Variants in RPGRIP1 observed in about 807,000 individuals in gnomAD.
The protein encoded by RPGRIP1 is RPGR interacting protein 1.
A neutral mutation model predicts 157.9 loss-of-function variants in RPGRIP1; 128 were observed. That is an observed-to-expected ratio of 0.81 (90% CI 0.70 to 0.94). The LOEUF (loss-of-function observed/expected upper bound fraction) is 0.94, where lower values mean the gene tolerates loss of function less well. RPGRIP1 is among the 40% of genes least tolerant of loss of function. RPGRIP1 has a pLI of 0.00. For synonymous variants in RPGRIP1, 554 were observed against 571.6 expected (o/e 0.97, Z 0.44); for missense variants, 1,486 against 1,545.8 (o/e 0.96, Z 0.65).
chr14:21,336,677 A>T (rs1472002394), intron 21 of RPGRIP1, among the ~76,000 whole-genome samples: 1 of 152,180 alleles, frequency 6.6e-6, no homozygotes, highest in African/African-American at 2.4e-5. Flanking sequence ...ATTAGATAAC[A>T]CTTCTATATT....
intron 3 of RPGRIP1, among the ~76,000 whole-genome samples, chr14:21,297,834 A>ATTCTTTCTCTCT (rs1555365052): frequency 2.3e-5 from 3 of 133,216 alleles, no homozygotes; most frequent in Admixed American, 7.7e-5. Flanking sequence ...TCAATAAATT[A>ATTCTTTCTCTCT]TTCTTTCTTT....
chr14:21,325,463 C>T, intron 16 of RPGRIP1, 80 bp downstream of exon 16: 1 of 1,307,752 alleles, frequency 7.6e-7, no homozygotes. Context: ...CTTCCACTCT[C>T]AATAAGTGTT....
At chr14:21,326,578 C>T (rs1320075110) in intron 17 of RPGRIP1, among the ~76,000 whole-genome samples, 2 of 152,074 alleles carry the variant, frequency 1.3e-5, no homozygotes, top group African/African-American at 2.4e-5. Context: ...CCATGTTGGT[C>T]AGGCTGGTCT....
chr14:21,301,013 G>T lies in RPGRIP1; in HGVS notation c.266G>T (p.Arg89Leu). 6.2e-7 allele frequency: 1 copy of T among 1,612,656 alleles called. No homozygotes were observed. The highest frequency in any genetic ancestry group is 8.5e-7 in the Non-Finnish European group (1 of 1,179,400). ...TTGACCGCTGCTGGCCGGGACCTGC[G>T]GGTCGCGGAGGAGGCGGCGCCGCTC... ...LRLTAAGRDLRVAEEAAPLSE... is the reference protein window; with the variant it reads ...LRLTAAGRDLLVAEEAAPLSE... The change falls in exon 4 of 25, where the codon CGG becomes CTG. Residue 89 changes from arginine (R) to leucine (L), a missense_variant. Coordinates refer to ENST00000400017, the MANE Select transcript of RPGRIP1 (RefSeq NM_020366.4).
At chr14:21,333,452 T>C (rs1356149710) in intron 20 of RPGRIP1, among the ~76,000 whole-genome samples, 1 of 152,262 alleles carries the variant, frequency 6.6e-6, no homozygotes, top group Non-Finnish European at 1.5e-5. Context: ...CATCCAGTTA[T>C]CTAATGCTAT....
chr14:21,305,628 A>G (rs1333371459), intron 6 of RPGRIP1, among the ~76,000 whole-genome samples: 1 of 152,200 alleles, frequency 6.6e-6, no homozygotes, highest in African/African-American at 2.4e-5. Flanking sequence ...TGGGAGGCCA[A>G]GGTGGGTGGA....
chr14:21,304,422 A>G (rs1321703609), intron 6 of RPGRIP1, among the ~76,000 whole-genome samples: 2 of 151,660 alleles, frequency 1.3e-5, no homozygotes, highest in Non-Finnish European at 2.9e-5. Context: ...AAAGAAAGAA[A>G]GAAAGAAAGA....
chr14:21,315,727 G>A (rs1881758454), intron 10 of RPGRIP1, among the ~76,000 whole-genome samples: 1 of 151,708 alleles, frequency 6.6e-6, no homozygotes, highest in Admixed American at 6.6e-5. Flanking sequence ...ATTTTCTTGA[G>A]TCCTTACATG....
Position 21,325,073 on chromosome 14 carries a change from AAGTGC to A in RPGRIP1, c.2215+4_2215+8del. The A allele has an allele frequency of 2.5e-6, 4 of 1,603,560 alleles. No individual in the cohort carries two copies. Among genetic ancestry groups the A allele is most frequent in the Non-Finnish European group, 3.4e-6 (4 of 1,172,338 alleles). Reference sequence around the variant, plus strand: ...CCATGGCTTGGCCACACTGATTGGTAAGTGCCGTTGGCTTCCTGCGGCTCCTAAGC... The same window carrying A: ...CCATGGCTTGGCCACACTGATTGGTACGTTGGCTTCCTGCGGCTCCTAAGC... On this transcript the variant is annotated splice_donor_5th_base_variant and intron_variant, in intron 15 of 24. Coordinates refer to ENST00000400017, the MANE Select transcript of RPGRIP1 (RefSeq NM_020366.4).
chr14:21,319,439 G>A (rs1882164679), intron 11 of RPGRIP1, among the ~76,000 whole-genome samples: 1 of 152,170 alleles, frequency 6.6e-6, no homozygotes, highest in Non-Finnish European at 1.5e-5. Flanking sequence ...TCGTGCGCCT[G>A]TAATACCAGC....
chr14:21,293,202 A>C (rs1249104376), intron 2 of RPGRIP1, among the ~76,000 whole-genome samples: 6 of 152,138 alleles, frequency 3.9e-5, no homozygotes, highest in African/African-American at 1.4e-4. Context: ...ATTCACCATG[A>C]GATCAGAGCA....
chr14:21,316,168 G>A (rs983030297), intron 10 of RPGRIP1, among the ~76,000 whole-genome samples: 6 of 151,536 alleles, frequency 4.0e-5, no homozygotes, highest in East Asian at 1.9e-4. Context: ...TAGTAGAGAC[G>A]GGGTTTCACC....
At chr14:21,321,469 G>C in intron 13 of RPGRIP1, 67 bp downstream of exon 13, 1 of 1,554,940 alleles carries the variant, frequency 6.4e-7, no homozygotes, top group Non-Finnish European at 8.7e-7. Flanking sequence ...ACAGGACTGG[G>C]AATGAAGCAA....
rs759548863 is a variant in RPGRIP1 at position 21,303,325 on chromosome 14, A to AT, written c.588-3dup. The AT allele has an allele frequency of 4.4e-6, 7 of 1,603,016 alleles. No homozygotes were observed. The highest frequency in any genetic ancestry group is 5.1e-6 in the Non-Finnish European group (6 of 1,172,382). Reference sequence around the variant, plus strand: ...AACAGTTTCTAAGTATCCTTTTTGTATTTAGTGTTTCTGGTTCTAACAGCA... The same window carrying AT: ...AACAGTTTCTAAGTATCCTTTTTGTATTTTAGTGTTTCTGGTTCTAACAGCA... On this transcript the variant is annotated splice_polypyrimidine_tract_variant and splice_region_variant and intron_variant, in intron 5 of 24. Transcript: ENST00000400017.
Position 21,351,206 on chromosome 14 carries a change from T to C in RPGRIP1, c.3851T>C (p.Leu1284Ser). ...HAIYKEMTED[L>S]FS ...ATTTACAAGGAGATGACTGAAGATT[T>C]GTTTTCATGAAGGAACAAGTGCTAT... The change falls in exon 25 of 25, where the codon TTG (leucine) becomes TCG (serine). Residue 1284 changes from leucine to serine, a missense_variant. By Grantham distance (145) the Leu-to-Ser change is moderately radical. Coordinates refer to ENST00000400017, the MANE Select transcript of RPGRIP1 (RefSeq NM_020366.4). 6.3e-7 allele frequency: 1 copy of C among 1,598,508 alleles called. No individual in the cohort carries two copies. Among genetic ancestry groups the C allele is most frequent in the Non-Finnish European group, 8.6e-7 (1 of 1,167,566 alleles).
intron 24 of RPGRIP1, among the ~76,000 whole-genome samples, chr14:21,350,151 G>A (rs931084028): frequency 6.6e-6 from 1 of 152,072 alleles, no homozygotes; most frequent in Non-Finnish European, 1.5e-5. Context: ...CGAGATGGGC[G>A]GATCACCTGA....
chr14:21,320,760 C>T (rs183921006), intron 12 of RPGRIP1, among the ~76,000 whole-genome samples: 3 of 151,788 alleles, frequency 2.0e-5, no homozygotes, highest in Admixed American at 6.6e-5. Context: ...CCACCACAGC[C>T]GGCTAATTTT....
rs775845491 is a variant in RPGRIP1 at position 21,325,977 on chromosome 14, C to T, written c.2514C>T (p.Ile838=). ...CCTTTTCTGACCATGACACTGCCATCATTCCAGCCAGTAACAACCCCTACT... is the reference window on the plus strand; with the variant it reads ...CCTTTTCTGACCATGACACTGCCATTATTCCAGCCAGTAACAACCCCTACT... ...FFTFSDHDTA[I]IPASNNPYFR... Residue 838 remains isoleucine (I), a synonymous_variant, in exon 17 of 25, where the codon ATC becomes ATT. Coordinates refer to ENST00000400017, the MANE Select transcript of RPGRIP1 (RefSeq NM_020366.4). 6.2e-7 allele frequency: 1 copy of T among 1,614,024 alleles called. No individual in the cohort carries two copies. The highest frequency in any genetic ancestry group is 8.5e-7 in the Non-Finnish European group (1 of 1,179,888).
intron 21 of RPGRIP1, among the ~76,000 whole-genome samples, chr14:21,335,893 G>GCAGCAGCGAC (rs1360738832): frequency 8.5e-5 from 13 of 152,344 alleles, no homozygotes; most frequent in African/African-American, 3.1e-4. Flanking sequence ...TACACATGAG[G>GCAGCAGCGAC]TAGAAAACAA....
Sources: allele counts gnomAD v4.1 joint callset (sites outside exome capture counted in the v4.1 genomes callset), GRCh38; gene constraint gnomAD v4.1.1; transcripts MANE v1.5; gene names NCBI Gene and HGNC (gene_info 2026-07-23, HGNC 2026-07-21).